The following AK7 variants were observed in gnomAD, a reference collection of about 807,000 sequenced individuals.
AK7 encodes ATP-AMP transphosphorylase 7.
AK7 carries 78 observed loss-of-function variants against 96.6 expected under a neutral mutation model. The observed-to-expected ratio is 0.81, with a 90% CI of 0.67 to 0.97. The LOEUF (loss-of-function observed/expected upper bound fraction) is 0.97, where lower values mean the gene tolerates loss of function less well. Ranked by LOEUF, AK7 falls within the 50% of genes least tolerant of loss-of-function variation. AK7 has a pLI of 0.00. For missense variants in AK7, 855 were observed against 887.9 expected (o/e 0.96, Z 0.47); for synonymous variants, 302 against 317.2 (o/e 0.95, Z 0.51).
Position 96,485,388 on chromosome 14 carries a change from G to A in AK7, c.1975-1510G>A, listed in dbSNP as rs1029464289. Among the ~76,000 whole-genome samples, 6 of 152,108 alleles carry A rather than the reference G, an allele frequency of 3.9e-5. No homozygotes were observed. The East Asian group carries it at 9.6e-4, about 24-fold the overall frequency. ...ACGGCTCCAGTTGGCCTCCCAAGTC[G>A]TGCTGCTAGAGATCAAATCCCACTC... On this transcript the variant is annotated intron_variant, in intron 16 of 17. Coordinates refer to ENST00000267584, the MANE Select transcript of AK7 (RefSeq NM_152327.5).
At chr14:96,476,754 T>C (rs1164822454) in intron 14 of AK7, among the ~76,000 whole-genome samples, 1 of 152,204 alleles carries the variant, frequency 6.6e-6, no homozygotes, top group African/African-American at 2.4e-5. Flanking sequence ...TTTTATCATA[T>C]TAAAAATCTT....
chr14:96,481,469 C>T (rs1895498119), intron 15 of AK7, among the ~76,000 whole-genome samples: 1 of 152,112 alleles, frequency 6.6e-6, no homozygotes, highest in Admixed American at 6.6e-5. Context: ...GCCTCAGCCT[C>T]CCAAGTAGCT....
intron 16 of AK7, among the ~76,000 whole-genome samples, chr14:96,485,701 T>C (rs1481821730): frequency 2.6e-5 from 4 of 152,198 alleles, no homozygotes; most frequent in Non-Finnish European, 5.9e-5. Flanking sequence ...CATGTTTATA[T>C]GTACTCAAAT....
chr14:96,398,235 G>A lies in AK7; in HGVS notation c.266G>A (p.Arg89Gln), dbSNP rs773293078. The stretch of plus-strand genomic sequence containing the variant: ...ACGCTGTCCAAGCCTGACAGCCCGC[G>A]GCCTGACTTTGCGGTGGAGACGTAC... ...VGTLSKPDSPRPDFAVETYSA... is the reference protein window; with the variant it reads ...VGTLSKPDSPQPDFAVETYSA... Residue 89 changes from arginine (R) to glutamine (Q), a missense_variant, in exon 2 of 18, where the codon CGG becomes CAG. Physicochemically the swap from Arg to Gln is conservative, Grantham distance 43. Coordinates refer to ENST00000267584, the MANE Select transcript of AK7 (RefSeq NM_152327.5). 6.2e-6 allele frequency: 10 copies of A among 1,613,380 alleles called. No individual in the cohort carries two copies. Among genetic ancestry groups the A allele is most frequent in the South Asian group, 2.2e-5 (2 of 91,068 alleles).
intron 11 of AK7, among the ~76,000 whole-genome samples, chr14:96,457,738 C>A (rs1470005000): frequency 6.6e-6 from 1 of 152,154 alleles, no homozygotes; most frequent in South Asian, 2.1e-4. Context: ...ACTGAGGTAG[C>A]TTTCATAAAT....
At chr14:96,467,331 C>CTTT (rs35485071) in intron 12 of AK7, among the ~76,000 whole-genome samples, 1 of 144,806 alleles carries the variant, frequency 6.9e-6, no homozygotes, top group Non-Finnish European at 1.5e-5. Flanking sequence ...TTTGCTGCTG[C>CTTT]TTTTTTTTTT....
intron 5 of AK7, among the ~76,000 whole-genome samples, chr14:96,425,242 C>T (rs1026553817): frequency 6.6e-6 from 1 of 152,184 alleles, no homozygotes; most frequent in Admixed American, 6.5e-5. Context: ...GCTGCCCTCA[C>T]AGCCATCGAT....
intron 5 of AK7, among the ~76,000 whole-genome samples, chr14:96,427,574 C>T (rs1892101556): frequency 1.3e-5 from 2 of 152,222 alleles, no homozygotes; most frequent in Admixed American, 1.3e-4. Context: ...TGGGTGGGAA[C>T]ACAGACCCAA....
chr14:96,442,538 C>A (rs1011772591), intron 6 of AK7, among the ~76,000 whole-genome samples, 192 bp from the exon 7 acceptor site: 1 of 152,156 alleles, frequency 6.6e-6, no homozygotes, highest in African/African-American at 2.4e-5. Context: ...AGTCCCAGGG[C>A]TACACACTAT....
intron 6 of AK7, among the ~76,000 whole-genome samples, chr14:96,438,229 C>G (rs956580719): frequency 6.6e-6 from 1 of 152,058 alleles, no homozygotes; most frequent in African/African-American, 2.4e-5. Flanking sequence ...CCTCCTCTTG[C>G]GAAGCTTACA....
rs528561535 is a variant in AK7, at chr14:96,463,589, G to A, written c.1357+5377G>A. On this transcript the variant is annotated intron_variant, in intron 12 of 17. Transcript: ENST00000267584. ...AAAAAAATTAGCCGGGTGTGGTGGCGGGCGCCTGTAGTCCCAGCTACTCGG... is the reference window on the plus strand; with the variant it reads ...AAAAAAATTAGCCGGGTGTGGTGGCAGGCGCCTGTAGTCCCAGCTACTCGG... Among the ~76,000 whole-genome samples the A allele has an allele frequency of 3.3e-5, 5 of 151,738 alleles. No individual in the cohort carries two copies. In the South Asian group the frequency reaches 6.2e-4, roughly 19 times the overall value.
At chr14:96,442,351 T>G (rs947893604) in intron 6 of AK7, among the ~76,000 whole-genome samples, 1 of 152,266 alleles carries the variant, frequency 6.6e-6, no homozygotes. Context: ...TAAGACATCA[T>G]GCATGTGAAA....
At chr14:96,455,154 TGA>T (rs1170531347) in intron 10 of AK7, among the ~76,000 whole-genome samples, 2 of 150,976 alleles carry the variant, frequency 1.3e-5, no homozygotes, top group Admixed American at 1.3e-4. Context: ...GCAACAAGAG[TGA>T]AACTCTGTCT....
Position 96,446,597 on chromosome 14 carries a change from A to G in AK7, c.860A>G (p.Asp287Gly). The change falls in exon 8 of 18, where the codon GAC becomes GGC. Residue 287 changes from aspartate to glycine, a missense_variant. Physicochemically the swap from Asp to Gly is moderately conservative, Grantham distance 94. Transcript: ENST00000267584. Reference sequence around the variant, plus strand: ...GATGAGTCTGTTCATACCCTGGAAGACATAGTCAAGGTACAGTGGTTTCAT... The same window carrying G: ...GATGAGTCTGTTCATACCCTGGAAGGCATAGTCAAGGTACAGTGGTTTCAT... ...AVDESVHTLEDIVKCISKNTG... is the reference protein window; with the variant it reads ...AVDESVHTLEGIVKCISKNTG... The G allele has an allele frequency of 1.2e-6, 2 of 1,614,008 alleles. No homozygotes were observed. The highest frequency in any genetic ancestry group is 1.7e-6 in the Non-Finnish European group (2 of 1,179,860).
At chr14:96,483,536 C>T (rs535977003) in intron 16 of AK7, among the ~76,000 whole-genome samples, 1 of 151,990 alleles carries the variant, frequency 6.6e-6, no homozygotes, top group Admixed American at 6.6e-5. Context: ...ATCCTCCTGT[C>T]TCAGCCTCCC....
intron 7 of AK7, 124 bp downstream of exon 7, chr14:96,442,942 G>T (rs895262476): frequency 4.7e-6 from 4 of 843,240 alleles, no homozygotes; most frequent in Non-Finnish European, 7.7e-6. Context: ...TTCATTCTTC[G>T]TAACAACCCT....
At chr14:96,433,150 G>A (rs1487458747) in intron 5 of AK7, among the ~76,000 whole-genome samples, 1 of 152,112 alleles carries the variant, frequency 6.6e-6, no homozygotes, top group Non-Finnish European at 1.5e-5. Context: ...TATTTGTCTT[G>A]GGATTCCTCT....
intron 10 of AK7, among the ~76,000 whole-genome samples, chr14:96,451,878 C>T (rs4905496): frequency 0.86 from 131,283 of 152,140 alleles, 56,938 homozygotes; most frequent in East Asian, 0.96. Flanking sequence ...TAATAATGTA[C>T]GCAAATTGCA....
At chr14:96,411,940 G>A (rs1891054697) in intron 4 of AK7, among the ~76,000 whole-genome samples, 1 of 152,210 alleles carries the variant, frequency 6.6e-6, no homozygotes, top group Non-Finnish European at 1.5e-5. Context: ...AGGACTGGGA[G>A]CCATGGGGAG....
Sources: allele counts gnomAD v4.1 joint callset (sites outside exome capture counted in the v4.1 genomes callset), GRCh38; gene constraint gnomAD v4.1.1; transcripts MANE v1.5; gene names NCBI Gene and HGNC (gene_info 2026-07-23, HGNC 2026-07-21).